The following TIPRL variants were observed in gnomAD, a reference collection of about 807,000 sequenced individuals.
The protein encoded by TIPRL is TIP41-like protein.
Under a neutral mutation model 32.3 loss-of-function variants are expected in TIPRL, and 10 were observed. That is an observed-to-expected ratio of 0.31 (90% CI 0.19 to 0.52). The LOEUF is 0.52. TIPRL is among the 20% of genes least tolerant of loss of function. The pLI, the probability that TIPRL is intolerant of heterozygous loss-of-function variation, is 0.96. For missense variants in TIPRL, 250 were observed against 328.1 expected (o/e 0.76, Z 1.84); for synonymous variants, 100 against 114.0 (o/e 0.88, Z 0.78).
In TIPRL at chr1:168,200,749, T is replaced by C. The variant is rs1485118303; in HGVS notation, c.*703T>C. On this transcript the variant is annotated 3_prime_UTR_variant, in exon 7 of 7. Transcript: ENST00000367833. ...GAATTATCTGTCCTCCATCTTTAGG[T>C]GCTTTTTCTTAAATGTGGTTCTACT... is the stretch of plus-strand genomic sequence containing the variant. 1.3e-5 allele frequency: 2 copies of C among 152,134 alleles called. No homozygotes were observed. The highest frequency in any genetic ancestry group is 2.9e-5 in the Non-Finnish European group (2 of 68,004). 9.4% of individuals were successfully genotyped at this position (152,134 alleles called of 1,614,324 possible). A position where few individuals can be genotyped will look rare whatever the true frequency, so the allele number is the denominator to read the frequency against.
In TIPRL at chr1:168,179,021, C is replaced by A; in HGVS notation, c.-57C>A. 6 of 1,485,410 alleles carry A rather than the reference C, an allele frequency of 4.0e-6. No individual in the cohort carries two copies. The highest frequency in any genetic ancestry group is 4.6e-6 in the Non-Finnish European group (5 of 1,080,832). 92.0% of individuals were successfully genotyped at this position (1,485,410 alleles called of 1,614,324 possible). Reference sequence around the variant, plus strand: ...GGAGGGAGGCGGAGGAACCGGTGTTCGCCGCCGCCGCTGCTTCAGCTTATT... The same window carrying A: ...GGAGGGAGGCGGAGGAACCGGTGTTAGCCGCCGCCGCTGCTTCAGCTTATT... On this transcript the variant is annotated 5_prime_UTR_variant, in exon 1 of 7. Transcript: ENST00000367833.
intron 3 of TIPRL, among the ~76,000 whole-genome samples, chr1:168,188,254 A>G (rs1700052282): frequency 6.6e-6 from 1 of 152,006 alleles, no homozygotes; most frequent in Non-Finnish European, 1.5e-5. Flanking sequence ...CAGTTCTAGG[A>G]TGATGGTGTT....
rs35234155 is a variant in TIPRL at position 168,196,529 on chromosome 1, C to CTTT, written c.517-7_517-5dup. 38 of 1,255,640 alleles carry CTTT rather than the reference C, an allele frequency of 3.0e-5. No individual in the cohort carries two copies. Among genetic ancestry groups the CTTT allele is most frequent in the South Asian group, 1.4e-4 (8 of 59,182 alleles). 77.8% of individuals were successfully genotyped at this position (1,255,640 alleles called of 1,614,324 possible). A position where few individuals can be genotyped will look rare whatever the true frequency, so the allele number is the denominator to read the frequency against. The stretch of plus-strand genomic sequence containing the variant: ...AATTTTTATTAAAATATTAATGTAC[C>CTTT]TTTTTTTTTTTTTCCAGAGAGTAAT... On this transcript the variant is annotated splice_polypyrimidine_tract_variant and intron_variant, in intron 4 of 6. Coordinates refer to ENST00000367833, the MANE Select transcript of TIPRL (RefSeq NM_152902.5).
At chr1:168,196,348 T>C (rs1001431072) in intron 4 of TIPRL, among the ~76,000 whole-genome samples, 199 bp from the exon 5 acceptor site, 2 of 152,188 alleles carry the variant, frequency 1.3e-5, no homozygotes, top group Non-Finnish European at 1.5e-5. Context: ...GAAACTATGA[T>C]GTTAAATAGT....
chr1:168,184,750 A>G, intron 2 of TIPRL, 29 bp from the exon 3 acceptor site: 2 of 1,414,266 alleles, frequency 1.4e-6, no homozygotes, highest in Non-Finnish European at 1.0e-6. Flanking sequence ...GCATCACTGA[A>G]TCTGATCCTT....
rs1572429180 is a variant in TIPRL at position 168,182,512 on chromosome 1, G to T, written c.105-1390G>T. On this transcript the variant is annotated intron_variant, in intron 1 of 6. Transcript: ENST00000367833. The stretch of plus-strand genomic sequence containing the variant: ...ATGGTGGCACGTGCCTGTAATCCCA[G>T]CTCCTAGGAAGGCTGAAACAGGAGG... 2.0e-5 allele frequency among the ~76,000 whole-genome samples: 3 copies of T among 152,254 alleles called. No homozygotes were observed. In the South Asian group the frequency reaches 6.2e-4, roughly 32 times the overall value.
chr1:168,186,854 A>T (rs1163571255), intron 3 of TIPRL, among the ~76,000 whole-genome samples: 1 of 152,176 alleles, frequency 6.6e-6, no homozygotes, highest in Admixed American at 6.5e-5. Flanking sequence ...ACCTGATATC[A>T]TATGTTGGTG....
intron 4 of TIPRL, among the ~76,000 whole-genome samples, chr1:168,194,937 G>T (rs1404601097): frequency 1.3e-5 from 2 of 152,224 alleles, no homozygotes; most frequent in African/African-American, 4.8e-5. Flanking sequence ...GTAATGGAGT[G>T]CTATGAGAGA....
At chr1:168,184,176 G>T (rs986048488) in intron 2 of TIPRL, 95 bp downstream of exon 2, 1 of 1,124,178 alleles carries the variant, frequency 8.9e-7, no homozygotes, top group Non-Finnish European at 1.2e-6. Context: ...ATACGTGTGT[G>T]TTGTTAGAAT....
At chr1:168,180,853 G>A (rs1351242977) in intron 1 of TIPRL, among the ~76,000 whole-genome samples, 5 of 136,068 alleles carry the variant, frequency 3.7e-5, no homozygotes, top group African/African-American at 8.2e-5. Context: ...TAGTAGAGAC[G>A]GAGTTTCTGC....
chr1:168,200,159 AGCCTT>A lies in TIPRL; in HGVS notation c.*114_*118del. On this transcript the variant is annotated 3_prime_UTR_variant, in exon 7 of 7. Transcript: ENST00000367833. ...CCTTGTTTATGTACAGATTTTCTGT[AGCCTT>A]AAAGGAAAAAAAAATAAAGATCGTT... is the stretch of plus-strand genomic sequence containing the variant. 1.7e-6 allele frequency: 2 copies of A among 1,191,466 alleles called. No individual in the cohort carries two copies. Among genetic ancestry groups the A allele is most frequent in the Middle Eastern group, 2.2e-4 (1 of 4,558 alleles). The allele number at this position is 1,191,466 out of a possible 1,614,324, so 73.8% of individuals were successfully genotyped here.
At chr1:168,192,213 T>A in intron 4 of TIPRL, 1 of 1,489,542 alleles carries the variant, frequency 6.7e-7, no homozygotes, top group East Asian at 2.7e-5. Context: ...TTCAGCCTGG[T>A]GGCGGGCACC....
intron 4 of TIPRL, 78 bp from the exon 5 acceptor site, chr1:168,196,469 C>A: frequency 1.9e-6 from 2 of 1,071,508 alleles, no homozygotes; most frequent in East Asian, 3.0e-5. Context: ...TTTTTGTTTT[C>A]AAATTTTTTC....
chr1:168,189,544 C>T (rs1257817129), intron 3 of TIPRL, among the ~76,000 whole-genome samples: 13 of 152,166 alleles, frequency 8.5e-5, no homozygotes, highest in Admixed American at 3.9e-4. Flanking sequence ...TGGGGTTTCA[C>T]CATATTGGCT....
At chr1:168,192,621 G>A (rs374426519) in intron 4 of TIPRL, among the ~76,000 whole-genome samples, 27 of 152,274 alleles carry the variant, frequency 1.8e-4, no homozygotes, top group African/African-American at 6.5e-4. Flanking sequence ...CAATTAGGCC[G>A]GGCGCGGTGG....
chr1:168,198,957 A>G lies in TIPRL; in HGVS notation c.651A>G (p.Arg217=), dbSNP rs777462066. 1 of 1,612,424 alleles carries G rather than the reference A, an allele frequency of 6.2e-7. No individual in the cohort carries two copies. Among genetic ancestry groups the G allele is most frequent in the South Asian group, 1.1e-5 (1 of 90,854 alleles). Residue 217 remains arginine, a synonymous_variant, in exon 6 of 7, where the codon CGA becomes CGG. Coordinates refer to ENST00000367833, the MANE Select transcript of TIPRL (RefSeq NM_152902.5). The part of the protein sequence containing the change: ...KTYMLREYTS[R]ESKISSLMHV... Reference sequence around the variant, plus strand: ...ACATGTTACGAGAATATACGTCACGAGAAAGCAAAATTTCTAGTTTGATGG... The same window carrying G: ...ACATGTTACGAGAATATACGTCACGGGAAAGCAAAATTTCTAGTTTGATGG...
intron 1 of TIPRL, among the ~76,000 whole-genome samples, chr1:168,181,962 G>A (rs1471686677): frequency 6.6e-6 from 1 of 151,752 alleles, no homozygotes; most frequent in Non-Finnish European, 1.5e-5. Flanking sequence ...TACTCTGAAG[G>A]CTGAGGCACG....
Position 168,201,498 on chromosome 1 carries a change from G to A in TIPRL, c.*1452G>A, listed in dbSNP as rs1237857463. 1 of 151,920 alleles carries A rather than the reference G, an allele frequency of 6.6e-6. No homozygotes were observed. Among genetic ancestry groups the A allele is most frequent in the African/African-American group, 2.4e-5 (1 of 41,386 alleles). The allele number at this position is 151,920 out of a possible 1,614,324, so 9.4% of individuals were successfully genotyped here. A position where few individuals can be genotyped will look rare whatever the true frequency, so the allele number is the denominator to read the frequency against. The stretch of plus-strand genomic sequence containing the variant: ...ATTTGATATTTGTCTTCTGCCTTCT[G>A]TATCACCTCCAAGCTATAGGAAATC... On this transcript the variant is annotated 3_prime_UTR_variant, in exon 7 of 7. Coordinates refer to ENST00000367833, the MANE Select transcript of TIPRL (RefSeq NM_152902.5).
intron 2 of TIPRL, among the ~76,000 whole-genome samples, chr1:168,184,382 T>C (rs896102318): frequency 2.0e-5 from 3 of 152,224 alleles, no homozygotes; most frequent in Non-Finnish European, 4.4e-5. Flanking sequence ...TGTTCCTGTT[T>C]TTAAGAAAAA....
Sources: allele counts gnomAD v4.1 joint callset (sites outside exome capture counted in the v4.1 genomes callset), GRCh38; gene constraint gnomAD v4.1.1; transcripts MANE v1.5; gene names NCBI Gene and HGNC (gene_info 2026-07-23, HGNC 2026-07-21).